The following F5 variants were observed in gnomAD, a reference collection of about 807,000 sequenced individuals.
F5 encodes the protein activated protein c cofactor.
F5 carries 138 observed loss-of-function variants against 216.4 expected under a neutral mutation model. That is an observed-to-expected ratio of 0.64 (90% CI 0.56 to 0.73). The LOEUF (loss-of-function observed/expected upper bound fraction) is 0.73, where lower values mean the gene tolerates loss of function less well. Among genes scored for constraint, F5 ranks in the 30% least tolerant of loss-of-function variants. The pLI, the probability that F5 is intolerant of heterozygous loss-of-function variation, is 0.00. For missense variants in F5, 2,403 were observed against 2,674.0 expected, an observed-to-expected ratio of 0.90 and a Z score of 2.24; for synonymous variants, 916 against 930.7, an observed-to-expected ratio of 0.98 and a Z score of 0.29.
Position 169,555,214 on chromosome 1 carries a change from G to C in F5, c.1086C>G (p.Asp362Glu). The C allele has an allele frequency of 6.2e-7, 1 of 1,614,064 alleles. No homozygotes were observed. The highest frequency in any genetic ancestry group is 8.5e-7 in the Non-Finnish European group (1 of 1,179,976). ...YFIAAEEVIW[D>E]YAPVIPANMD... The stretch of plus-strand genomic sequence containing the variant: ...TATTCGCTGGTATTACAGGTGCATA[G>C]TCCCAAATGACTTCCTCTGCAGCAA... The change falls in exon 7 of 25, where the codon GAC (aspartate) becomes GAG (glutamate). Residue 362 changes from aspartate to glutamate, a missense_variant. Physicochemically the swap from Asp to Glu is conservative, Grantham distance 45. Coordinates refer to ENST00000367797, the MANE Select transcript of F5 (RefSeq NM_000130.5).
chr1:169,522,425 T>G (rs984010141), intron 21 of F5, among the ~76,000 whole-genome samples: 1 of 152,206 alleles, frequency 6.6e-6, no homozygotes, highest in Non-Finnish European at 1.5e-5. Flanking sequence ...AAAATCTTTA[T>G]GCTATGGACT....
chr1:169,574,310 C>A (rs1195366449), intron 2 of F5, among the ~76,000 whole-genome samples: 2 of 152,150 alleles, frequency 1.3e-5, no homozygotes, highest in African/African-American at 2.4e-5. Context: ...TTCCAAATAT[C>A]ACCTCAGCCT....
At chr1:169,518,770 G>T (rs960723456) in intron 22 of F5, among the ~76,000 whole-genome samples, 3 of 152,074 alleles carry the variant, frequency 2.0e-5, no homozygotes, top group Non-Finnish European at 4.4e-5. Context: ...CTCCATTTTA[G>T]TACAGCCAAA....
At chr1:169,553,934 A>G (rs754480581) in intron 7 of F5, among the ~76,000 whole-genome samples, 1 of 152,206 alleles carries the variant, frequency 6.6e-6, no homozygotes, top group African/African-American at 2.4e-5. Context: ...TAACCCAGCA[A>G]TCTTTTAAGA....
chr1:169,517,394 T>G (rs1203649784), intron 23 of F5, among the ~76,000 whole-genome samples: 1 of 152,146 alleles, frequency 6.6e-6, no homozygotes, highest in Non-Finnish European at 1.5e-5. Context: ...TCCAATCTTT[T>G]CTATTTACGC....
intron 19 of F5, among the ~76,000 whole-genome samples, 154 bp downstream of exon 19, chr1:169,524,683 G>A (rs1423858876): frequency 1.3e-5 from 2 of 152,090 alleles, no homozygotes; most frequent in Non-Finnish European, 2.9e-5. Context: ...TACCATATAT[G>A]TACCCCAAAT....
chr1:169,563,745 A>G (rs1299518452), intron 3 of F5, among the ~76,000 whole-genome samples: 1 of 151,760 alleles, frequency 6.6e-6, no homozygotes, highest in East Asian at 1.9e-4. Flanking sequence ...CTGTGTATGC[A>G]TATTTATATT....
At chr1:169,539,441 C>A (rs1659780197) in intron 13 of F5, among the ~76,000 whole-genome samples, 1 of 150,538 alleles carries the variant, frequency 6.6e-6, no homozygotes, top group South Asian at 2.1e-4. Flanking sequence ...TCCCTCGGGG[C>A]CTTGCTTAGA....
chr1:169,542,808 C>A lies in F5; in HGVS notation c.2282G>T (p.Gly761Val). 1 of 1,614,092 alleles carries A rather than the reference C, an allele frequency of 6.2e-7. No homozygotes were observed. The highest frequency in any genetic ancestry group is 1.3e-5 in the African/African-American group (1 of 75,022). The stretch of plus-strand genomic sequence containing the variant: ...TGTGTTTGAAGAAACGAATTCAGTG[C>A]CATTCTCCAGAGCTAGGGCAGTAAG... The part of the protein sequence containing the change: ...FNLTALALEN[G>V]TEFVSSNTDI... Residue 761 changes from glycine to valine, a missense_variant, in exon 13 of 25, where the codon GGC becomes GTC. This residue lies in a region of F5 where 1,425 missense variants were observed against 1,554.8 expected (regional missense o/e 0.92). Coordinates refer to ENST00000367797, the MANE Select transcript of F5 (RefSeq NM_000130.5).
At chr1:169,568,846 T>G (rs1432288859) in intron 3 of F5, among the ~76,000 whole-genome samples, 1 of 152,140 alleles carries the variant, frequency 6.6e-6, no homozygotes, top group Admixed American at 6.6e-5. Context: ...TTTTGGTTAC[T>G]CATTAGGGTG....
rs996879472 is a variant in F5, at chr1:169,513,467, G to A, written c.*846C>T. ...AGGAAGTTGAGGCCATAGAGAGGAA[G>A]GCCCTGAAAGAAAACTTTAACTGCT... On this transcript the variant is annotated 3_prime_UTR_variant, in exon 25 of 25. Transcript: ENST00000367797. Among the ~76,000 whole-genome samples the A allele has an allele frequency of 3.9e-5, 6 of 151,996 alleles. No homozygotes were observed. Among genetic ancestry groups the A allele is most frequent in the Non-Finnish European group, 8.8e-5 (6 of 67,976 alleles).
intron 3 of F5, among the ~76,000 whole-genome samples, chr1:169,562,960 T>G (rs1660515562): frequency 6.6e-6 from 1 of 152,092 alleles, no homozygotes. Context: ...ATAATATTTC[T>G]TCTATCTAAA....
At chr1:169,572,694 C>T (rs916638118) in intron 2 of F5, among the ~76,000 whole-genome samples, 3 of 152,112 alleles carry the variant, frequency 2.0e-5, no homozygotes, top group Non-Finnish European at 2.9e-5. Context: ...GAGGGTGATG[C>T]GAGAGGGTAG....
At position 169,541,954 on chromosome 1, in the gene F5, T is replaced by A; in HGVS notation, c.3136A>T (p.Arg1046Trp). 6.2e-7 allele frequency: 1 copy of A among 1,614,138 alleles called. No individual in the cohort carries two copies. The highest frequency in any genetic ancestry group is 1.1e-5 in the South Asian group (1 of 91,086). ...TCACTTCTTAGAGGGTGAAAGGTCC[T>A]CGGAGATAAAGGAGCATGGTGTGTG... ...KHTHHAPLSP[R>W]TFHPLRSEAY... is the part of the protein sequence containing the mutation. The change falls in exon 13 of 25, where the codon AGG (arginine) becomes TGG (tryptophan). Residue 1046 changes from arginine to tryptophan, a missense_variant. By Grantham distance (101) the Arg-to-Trp change is moderately radical (BLOSUM62 -3). Coordinates refer to ENST00000367797, the MANE Select transcript of F5 (RefSeq NM_000130.5).
intron 14 of F5, among the ~76,000 whole-genome samples, chr1:169,533,804 T>G (rs1244736071): frequency 2.6e-5 from 4 of 152,114 alleles, no homozygotes; most frequent in African/African-American, 9.7e-5. Context: ...AGAATGTAAA[T>G]TAGCCACTGT....
intron 2 of F5, among the ~76,000 whole-genome samples, chr1:169,580,059 A>G (rs559597463): frequency 9.2e-5 from 14 of 152,252 alleles, no homozygotes; most frequent in Non-Finnish European, 1.6e-4. Context: ...CAAACTTTTA[A>G]ACATTCTGTG....
At chr1:169,557,629 G>T (rs370306762) in intron 5 of F5, among the ~76,000 whole-genome samples, 1 of 151,924 alleles carries the variant, frequency 6.6e-6, no homozygotes, top group African/African-American at 2.4e-5. Flanking sequence ...ATGCTCATTT[G>T]CTCTGTGGGG....
Position 169,541,069 on chromosome 1 carries a change from G to A in F5, c.4021C>T (p.Pro1341Ser), listed in dbSNP as rs768912341. The A allele has an allele frequency of 1.9e-6, 3 of 1,601,912 alleles. No individual in the cohort carries two copies. The African/African-American group carries it at 4.1e-5, about 22-fold the overall frequency. ...SLDFSQTNLS[P>S]ELSQTNLSPA... ...GAAAGGTTTGTTTGACTGAGTTCTG[G>A]AGAGAGGTTTGTCTGGCTGAAGTCT... The change falls in exon 13 of 25, where the codon CCA (proline) becomes TCA (serine). Residue 1341 changes from proline (P) to serine (S), a missense_variant. Transcript: ENST00000367797.
intron 6 of F5, among the ~76,000 whole-genome samples, chr1:169,556,053 C>T (rs979227725): frequency 6.6e-6 from 1 of 152,100 alleles, no homozygotes; most frequent in East Asian, 1.9e-4. Flanking sequence ...TGTAGTAGAA[C>T]AATCAGTTAT....
Sources: gnomAD v4.1 joint callset for allele counts (sites outside exome capture counted in the v4.1 genomes callset) on GRCh38, gnomAD v4.1.1 for gene constraint, gnomAD v4.1.1 regional missense constraint, MANE v1.5 for transcripts, NCBI Gene and HGNC (gene_info 2026-07-23, HGNC 2026-07-21) for gene names.